Variants in SGCZ observed in about 807,000 individuals in gnomAD.
SGCZ encodes sarcoglycan zeta.
SGCZ carries 40 observed loss-of-function variants against 41.3 expected under a neutral mutation model. The ratio of observed to expected loss-of-function variants is 0.97; its 90% CI spans 0.75 to 1.26. SGCZ has a LOEUF of 1.26. Ranked by LOEUF, SGCZ falls within the 50% of genes most tolerant of loss-of-function variation. SGCZ has a pLI of 0.00. For synonymous variants in SGCZ, 206 were observed against 137.5 expected (o/e 1.50, Z -3.49); for missense variants, 552 against 369.8 (o/e 1.49, Z -4.04).
intron 1 of SGCZ, among the ~76,000 whole-genome samples, chr8:15,113,635 C>G (rs1807155508): frequency 6.6e-6 from 1 of 152,132 alleles, no homozygotes; most frequent in Non-Finnish European, 1.5e-5. Flanking sequence ...GGGGGGCCTC[C>G]TATATTCCTG....
chr8:14,704,918 A>G (rs920387433), intron 1 of SGCZ, among the ~76,000 whole-genome samples: 15 of 152,012 alleles, frequency 9.9e-5, no homozygotes, highest in African/African-American at 2.7e-4. Flanking sequence ...CGATGCAACT[A>G]TCAGTCAATG....
intron 1 of SGCZ, among the ~76,000 whole-genome samples, chr8:15,125,331 T>C (rs749242114): frequency 6.6e-6 from 1 of 152,204 alleles, no homozygotes; most frequent in East Asian, 1.9e-4. Flanking sequence ...TGTGGGACTA[T>C]GTCCTCTCTG....
intron 1 of SGCZ, among the ~76,000 whole-genome samples, chr8:15,177,199 C>T (rs541667055): frequency 2.6e-5 from 4 of 152,162 alleles, no homozygotes; most frequent in South Asian, 2.1e-4. Flanking sequence ...GACAGAATAG[C>T]GAACATGCCT....
chr8:14,952,155 T>A (rs1800660962), intron 1 of SGCZ, among the ~76,000 whole-genome samples: 1 of 152,280 alleles, frequency 6.6e-6, no homozygotes, highest in South Asian at 2.1e-4. Context: ...CACTAAAATA[T>A]ATTTTTTCAT....
intron 1 of SGCZ, among the ~76,000 whole-genome samples, chr8:14,772,116 T>A (rs1489413123): frequency 1.3e-5 from 2 of 152,152 alleles, no homozygotes; most frequent in Non-Finnish European, 2.9e-5. Context: ...ACCTGAAACA[T>A]TCAACACTTT....
At chr8:14,468,287 A>G (rs773692155) in intron 2 of SGCZ, among the ~76,000 whole-genome samples, 1 of 152,096 alleles carries the variant, frequency 6.6e-6, no homozygotes, top group Non-Finnish European at 1.5e-5. Flanking sequence ...GATCCTTCAA[A>G]TAAATTAGAA....
intron 1 of SGCZ, among the ~76,000 whole-genome samples, chr8:15,011,122 T>A (rs528480446): frequency 2.4e-4 from 37 of 152,226 alleles, no homozygotes; most frequent in Non-Finnish European, 4.9e-4. Context: ...TACATCTTTT[T>A]ATGTCTTCAA....
At chr8:14,442,099 T>C (rs1800288204) in intron 2 of SGCZ, among the ~76,000 whole-genome samples, 1 of 152,200 alleles carries the variant, frequency 6.6e-6, no homozygotes, top group Non-Finnish European at 1.5e-5. Context: ...TATAAATAGC[T>C]TTTCCTGAGA....
chr8:15,070,954 G>C (rs1805329579), intron 1 of SGCZ, among the ~76,000 whole-genome samples: 1 of 152,132 alleles, frequency 6.6e-6, no homozygotes, highest in South Asian at 2.1e-4. Context: ...TAATCTCTTA[G>C]TAGGGGTGAG....
chr8:15,199,307 A>C (rs754192452), intron 1 of SGCZ, among the ~76,000 whole-genome samples: 1 of 152,198 alleles, frequency 6.6e-6, no homozygotes, highest in Non-Finnish European at 1.5e-5. Flanking sequence ...AGCAGCAAAA[A>C]TCTGAAGCTC....
chr8:14,178,732 T>C (rs1002139445), intron 4 of SGCZ, among the ~76,000 whole-genome samples: 2 of 152,224 alleles, frequency 1.3e-5, no homozygotes, highest in African/African-American at 4.8e-5. Flanking sequence ...GATGACTAGT[T>C]TTGTCTAATG....
intron 4 of SGCZ, among the ~76,000 whole-genome samples, chr8:14,231,799 G>A (rs1298195906): frequency 6.6e-6 from 1 of 152,010 alleles, no homozygotes; most frequent in Non-Finnish European, 1.5e-5. Context: ...AGAAAAACGT[G>A]TTTGTTTCTC....
intron 3 of SGCZ, among the ~76,000 whole-genome samples, chr8:14,301,211 A>G (rs920867921): frequency 1.3e-5 from 2 of 151,986 alleles, no homozygotes; most frequent in Non-Finnish European, 2.9e-5. Flanking sequence ...AGATTTACGT[A>G]TCTGATTCCC....
chr8:14,144,017 C>T (rs551307854), intron 5 of SGCZ, among the ~76,000 whole-genome samples: 1 of 152,260 alleles, frequency 6.6e-6, no homozygotes, highest in Admixed American at 6.5e-5. Context: ...GGATACAGTG[C>T]TCTGTGTCTC....
chr8:14,418,285 A>C (rs1799550412), intron 2 of SGCZ, among the ~76,000 whole-genome samples: 1 of 151,954 alleles, frequency 6.6e-6, no homozygotes, highest in Admixed American at 6.6e-5. Context: ...ACTGAGGCCT[A>C]ATGTTTAACA....
chr8:14,732,374 C>T (rs1798889238), intron 1 of SGCZ, among the ~76,000 whole-genome samples: 1 of 152,160 alleles, frequency 6.6e-6, no homozygotes, highest in Non-Finnish European at 1.5e-5. Context: ...TTCGTTTCCA[C>T]TCATTCTTCT....
chr8:14,504,772 G>A lies in SGCZ; in HGVS notation c.234+49960C>T, dbSNP rs112245386. 3.6e-3 allele frequency among the ~76,000 whole-genome samples: 550 copies of A among 152,208 alleles called. 7 individuals carry two copies. The highest frequency in any genetic ancestry group is 0.012 in the African/African-American group (519 of 41,542). ...CTGCTTTCTTCTGGAAGAGGTCCTA[G>A]CCTGTTTCCCCTCAGCTGAAACCTT... On this transcript the variant is annotated intron_variant, in intron 2 of 7. Transcript: ENST00000382080.
chr8:14,309,890 A>G (rs550467851), intron 3 of SGCZ, among the ~76,000 whole-genome samples: 1 of 151,996 alleles, frequency 6.6e-6, no homozygotes, highest in South Asian at 2.1e-4. Flanking sequence ...TGCTATCCCA[A>G]TCAAAGAATA....
At position 14,674,930 on chromosome 8, in the gene SGCZ, T is replaced by G. The variant is rs1213664026; in HGVS notation, c.40-120004A>C. On this transcript the variant is annotated intron_variant, in intron 1 of 7. Coordinates refer to ENST00000382080, the MANE Select transcript of SGCZ (RefSeq NM_139167.4). ...CAATTTAACCTCTTTTCTTTTCTGT[T>G]TTTTTTTTTTTTTTTTTTTTTTTTT... Among the ~76,000 whole-genome samples the G allele has an allele frequency of 1.6e-4, 6 of 37,966 alleles. No homozygotes were observed. In the East Asian group the frequency reaches 3.6e-3, roughly 23 times the overall value. 24.9% of individuals were successfully genotyped at this position (37,966 alleles called of 152,430 possible).
Sources: gnomAD v4.1 joint callset for allele counts (sites outside exome capture counted in the v4.1 genomes callset) on GRCh38, gnomAD v4.1.1 for gene constraint, MANE v1.5 for transcripts, NCBI Gene and HGNC (gene_info 2026-07-23, HGNC 2026-07-21) for gene names.